TMEM229B: variants seen among roughly 807,000 people sequenced by gnomAD.
The protein encoded by TMEM229B is transmembrane protein 229B.
A neutral mutation model predicts 13.7 loss-of-function variants in TMEM229B; 6 were observed. The ratio of observed to expected loss-of-function variants is 0.44; its 90% confidence interval spans 0.24 to 0.86. The LOEUF (loss-of-function observed/expected upper bound fraction) is 0.86. TMEM229B is among the 40% of genes least tolerant of loss of function. The pLI is 0.23. For synonymous variants in TMEM229B, 107 were observed against 102.1 expected (o/e 1.05, Z -0.29); for missense variants, 170 against 236.0 (o/e 0.72, Z 1.83).
chr14:67,525,402 A>C (rs1182036191), intron 1 of TMEM229B, among the ~76,000 whole-genome samples: 1 of 152,230 alleles, frequency 6.6e-6, no homozygotes, highest in Non-Finnish European at 1.5e-5. Flanking sequence ...TTCTAGATGA[A>C]TCATAATTTT....
Position 67,473,127 on chromosome 14 carries a change from A to T in TMEM229B, c.*293T>A. On this transcript the variant is annotated 3_prime_UTR_variant, in exon 3 of 3. Transcript: ENST00000554480. The surrounding 1 kb of genome is among the most constrained non-coding windows in gnomAD (Gnocchi z 6.5). ...GGGCCTGCTGCTTCCAAAGTCAACTACATAGTCCATCGCTGCTCAGCCACA... is the reference window on the plus strand; with the variant it reads ...GGGCCTGCTGCTTCCAAAGTCAACTTCATAGTCCATCGCTGCTCAGCCACA... The T allele has an allele frequency of 2.4e-6, 1 of 420,076 alleles. No individual in the cohort carries two copies. Among genetic ancestry groups the T allele is most frequent in the South Asian group, 2.6e-5 (1 of 38,972 alleles). 26.0% of individuals were successfully genotyped at this position (420,076 alleles called of 1,614,324 possible).
At chr14:67,507,987 A>G (rs1156340342) in intron 1 of TMEM229B, among the ~76,000 whole-genome samples, 5 of 151,970 alleles carry the variant, frequency 3.3e-5, no homozygotes, top group African/African-American at 1.2e-4. Flanking sequence ...AAAAATACAA[A>G]ATTAGCCGGA....
chr14:67,517,643 C>A (rs2033227493), upstream of TMEM229B, among the ~76,000 whole-genome samples: 1 of 152,198 alleles, frequency 6.6e-6, no homozygotes, highest in South Asian at 2.1e-4. Flanking sequence ...CTCCAGTGAA[C>A]TTAACTCCAT....
intron 2 of TMEM229B, among the ~76,000 whole-genome samples, chr14:67,483,292 C>A (rs981244223): frequency 2.0e-5 from 3 of 152,240 alleles, no homozygotes; most frequent in African/African-American, 7.2e-5. Context: ...ATTATAGGCA[C>A]GAGTCACCAC....
chr14:67,513,710 G>GGT (rs1412829641), intron 1 of TMEM229B, among the ~76,000 whole-genome samples: 1 of 152,194 alleles, frequency 6.6e-6, no homozygotes, highest in Non-Finnish European at 1.5e-5. Flanking sequence ...GCAGGCGGGA[G>GGT]AGTCCTCCAC....
At chr14:67,525,222 A>G (rs111795205) in intron 1 of TMEM229B, among the ~76,000 whole-genome samples, 3 of 152,206 alleles carry the variant, frequency 2.0e-5, no homozygotes, top group African/African-American at 7.2e-5. Context: ...ACCCATATTT[A>G]TATACATAAA....
Position 67,476,201 on chromosome 14 carries a change from G to A in TMEM229B, c.-18-2260C>T, listed in dbSNP as rs375603386. Among the ~76,000 whole-genome samples the A allele has an allele frequency of 5.3e-5, 8 of 152,360 alleles. No homozygotes were observed. The East Asian group carries it at 5.8e-4, about 11-fold the overall frequency. On this transcript the variant is annotated intron_variant, in intron 2 of 2. Coordinates refer to ENST00000554480, the MANE Select transcript of TMEM229B (RefSeq NM_001348543.2). ...ATTCCAGCCTCACATTTCAGCTGAA[G>A]CAGGCCTGGTCACATTAATACCTAC...
chr14:67,530,020 G>A (rs999101778), intron 1 of TMEM229B, among the ~76,000 whole-genome samples: 1 of 152,178 alleles, frequency 6.6e-6, no homozygotes, highest in African/African-American at 2.4e-5. Context: ...GGGATGGGAA[G>A]CAGGGTTTCT....
upstream of TMEM229B, among the ~76,000 whole-genome samples, chr14:67,515,694 T>G (rs2033185280): frequency 6.6e-6 from 1 of 152,056 alleles, no homozygotes. Context: ...CCCGCCTGCA[T>G]TTGAGTGTCT....
intron 1 of TMEM229B, among the ~76,000 whole-genome samples, chr14:67,531,224 T>G (rs2033439473): frequency 6.6e-6 from 1 of 152,084 alleles, no homozygotes; most frequent in Non-Finnish European, 1.5e-5. Context: ...TGGGCTGCAA[T>G]GAGCTATGAT....
chr14:67,515,678 AGCCAACCC>A (rs2033184828), upstream of TMEM229B, among the ~76,000 whole-genome samples: 1 of 152,092 alleles, frequency 6.6e-6, no homozygotes, highest in Admixed American at 6.5e-5. Context: ...TCCCTGTCCT[AGCCAACCC>A]GCCTGCATTT....
At chr14:67,530,167 C>T (rs1419853502) in intron 1 of TMEM229B, among the ~76,000 whole-genome samples, 2 of 152,166 alleles carry the variant, frequency 1.3e-5, no homozygotes, top group African/African-American at 2.4e-5. Context: ...TAAACTCCAG[C>T]CAATATTTGT....
chr14:67,475,053 C>T (rs1345852494), intron 2 of TMEM229B, among the ~76,000 whole-genome samples: 2 of 151,592 alleles, frequency 1.3e-5, no homozygotes, highest in Admixed American at 6.6e-5. Flanking sequence ...GTAGCTGGGA[C>T]TACAGGCACA....
chr14:67,478,899 AT>A (rs2031396518), intron 2 of TMEM229B, among the ~76,000 whole-genome samples: 1 of 150,768 alleles, frequency 6.6e-6, no homozygotes. Flanking sequence ...CTTGTTTAAG[AT>A]AGTGGTAAGA....
chr14:67,492,112 T>A (rs75803744), upstream of TMEM229B, among the ~76,000 whole-genome samples: 15 of 152,132 alleles, frequency 9.9e-5, no homozygotes, highest in East Asian at 3.9e-4. Context: ...GCCCACTCTA[T>A]CTCACATGCC....
intron 1 of TMEM229B, among the ~76,000 whole-genome samples, chr14:67,514,545 G>A (rs1395993017): frequency 6.6e-6 from 1 of 152,054 alleles, no homozygotes; most frequent in Non-Finnish European, 1.5e-5. Flanking sequence ...TGCACCCTGG[G>A]GAGAAGGCGG....
chr14:67,513,235 C>T (rs377741645), intron 1 of TMEM229B, among the ~76,000 whole-genome samples: 3 of 152,128 alleles, frequency 2.0e-5, no homozygotes, highest in Non-Finnish European at 4.4e-5. Flanking sequence ...TCCTCAGCTC[C>T]GAATAAATAG....
At chr14:67,500,129 A>G (rs1317549510) in intron 1 of TMEM229B, among the ~76,000 whole-genome samples, 1 of 152,074 alleles carries the variant, frequency 6.6e-6, no homozygotes, top group East Asian at 1.9e-4. Flanking sequence ...ACACCACTGC[A>G]CTCCAGCCTG....
intron 1 of TMEM229B, among the ~76,000 whole-genome samples, chr14:67,530,456 T>C (rs1414422169): frequency 1.3e-5 from 2 of 152,168 alleles, no homozygotes; most frequent in African/African-American, 4.8e-5. Context: ...GATGCTGTAA[T>C]ATTGACTCTG....
Sources: gnomAD v4.1 joint callset for allele counts (sites outside exome capture counted in the v4.1 genomes callset) on GRCh38, gnomAD v4.1.1 for gene constraint, Gnocchi (gnomAD v3.1) non-coding constraint, MANE v1.5 for transcripts, NCBI Gene and HGNC (gene_info 2026-07-23, HGNC 2026-07-21) for gene names.